Variants in KSR2 observed in about 807,000 individuals in gnomAD.
KSR2 encodes the protein kinase suppressor of ras 2.
A neutral mutation model predicts 107.8 loss-of-function variants in KSR2; 25 were observed. The ratio of observed to expected loss-of-function variants is 0.23; its 90% CI spans 0.17 to 0.32. The LOEUF is 0.32. Among genes scored for constraint, KSR2 ranks in the 10% least tolerant of loss-of-function variants. The pLI is 1.00. For synonymous variants in KSR2, 480 were observed against 507.0 expected, an observed-to-expected ratio of 0.95 and a Z score of 0.71; for missense variants, 887 against 1,268.9, an observed-to-expected ratio of 0.70 and a Z score of 4.57.
chr12:117,946,389 G>A (rs1042326034), intron 1 of KSR2, among the ~76,000 whole-genome samples: 14 of 151,992 alleles, frequency 9.2e-5, no homozygotes, highest in Admixed American at 2.0e-4. Flanking sequence ...CATCAAGAAC[G>A]AAAAGAGGAG....
intron 5 of KSR2, among the ~76,000 whole-genome samples, chr12:117,610,289 G>A (rs1235401562): frequency 9.2e-5 from 14 of 152,032 alleles, no homozygotes; most frequent in Admixed American, 3.9e-4. Flanking sequence ...AAATAATCAC[G>A]GATGCTCGCA....
At chr12:117,614,322 G>A (rs1282869160) in intron 5 of KSR2, among the ~76,000 whole-genome samples, 1 of 152,096 alleles carries the variant, frequency 6.6e-6, no homozygotes, top group Non-Finnish European at 1.5e-5. Context: ...GTTTTAATTT[G>A]TTGCAATAAG....
chr12:117,678,671 G>T (rs1458760283), intron 4 of KSR2, among the ~76,000 whole-genome samples: 3 of 152,166 alleles, frequency 2.0e-5, no homozygotes, highest in Non-Finnish European at 4.4e-5. Context: ...TCTGTTTGGG[G>T]GTAATGCAGC....
At chr12:117,531,276 T>G (rs886451106) in intron 11 of KSR2, among the ~76,000 whole-genome samples, 2 of 152,178 alleles carry the variant, frequency 1.3e-5, no homozygotes, top group Non-Finnish European at 2.9e-5. Flanking sequence ...GAAGCATTCA[T>G]TGGTCATCTC....
rs188736265 is a variant in KSR2 at position 117,819,522 on chromosome 12, T to C, written c.472+35906A>G. Among the ~76,000 whole-genome samples the C allele has an allele frequency of 2.6e-3, 398 of 152,270 alleles. 4 individuals are homozygous for C. The highest frequency in any genetic ancestry group is 8.7e-3 in the African/African-American group (363 of 41,548). On this transcript the variant is annotated intron_variant, in intron 3 of 19. Coordinates refer to ENST00000339824, the MANE Select transcript of KSR2 (RefSeq NM_173598.6). ...TGATTTATGGTGATGGTTTCCTGGG[T>C]ATCTACATATGTCAAAGCTCATCAA...
At chr12:117,932,350 T>C (rs181550937) in intron 1 of KSR2, among the ~76,000 whole-genome samples, 1 of 152,182 alleles carries the variant, frequency 6.6e-6, no homozygotes, top group Admixed American at 6.6e-5. Context: ...TGTTATACAG[T>C]TGACATATGT....
intron 4 of KSR2, among the ~76,000 whole-genome samples, chr12:117,701,908 C>T (rs1217687285): frequency 1.3e-5 from 2 of 152,132 alleles, no homozygotes; most frequent in Non-Finnish European, 2.9e-5. Flanking sequence ...TTCCAGTCTC[C>T]AGAACTAAAA....
At chr12:117,612,276 C>T (rs1850402) in intron 5 of KSR2, among the ~76,000 whole-genome samples, 5,401 of 151,758 alleles carry the variant, frequency 0.036, 158 homozygotes, top group East Asian at 0.15. Flanking sequence ...TGGTGGTGCA[C>T]CCCTGTAGTC....
chr12:117,585,983 G>C (rs1879966066), intron 5 of KSR2, among the ~76,000 whole-genome samples: 1 of 152,234 alleles, frequency 6.6e-6, no homozygotes, highest in African/African-American at 2.4e-5. Flanking sequence ...GATGTCTTCT[G>C]AGAAATGCAT....
At chr12:117,938,241 T>A (rs550977464) in intron 1 of KSR2, among the ~76,000 whole-genome samples, 1 of 152,298 alleles carries the variant, frequency 6.6e-6, no homozygotes, top group South Asian at 2.1e-4. Flanking sequence ...CACATATTTG[T>A]ACATCATTAT....
chr12:117,738,523 T>C (rs1013833057), intron 4 of KSR2, among the ~76,000 whole-genome samples: 2 of 152,072 alleles, frequency 1.3e-5, no homozygotes, highest in Non-Finnish European at 2.9e-5. Context: ...ATGGGAAGTA[T>C]TGGTGGATCT....
chr12:117,573,904 A>G (rs1174017631), intron 7 of KSR2, among the ~76,000 whole-genome samples: 1 of 152,204 alleles, frequency 6.6e-6, no homozygotes, highest in African/African-American at 2.4e-5. Flanking sequence ...TGATGATGAA[A>G]AAGATTCCTA....
intron 1 of KSR2, among the ~76,000 whole-genome samples, chr12:117,908,394 C>T (rs1319232842): frequency 6.6e-6 from 1 of 152,064 alleles, no homozygotes; most frequent in Non-Finnish European, 1.5e-5. Context: ...CGCACCCCCA[C>T]CTTCACCTTT....
chr12:117,627,174 T>C (rs1321131951), intron 5 of KSR2, among the ~76,000 whole-genome samples: 3 of 152,246 alleles, frequency 2.0e-5, no homozygotes, highest in Admixed American at 6.5e-5. Flanking sequence ...TCTGTGTCTT[T>C]TAATTGGGGC....
At chr12:117,851,989 G>T (rs1892943633) in intron 3 of KSR2, among the ~76,000 whole-genome samples, 1 of 152,230 alleles carries the variant, frequency 6.6e-6, no homozygotes, top group Admixed American at 6.5e-5. Context: ...TAAGAAGGAG[G>T]AGTATTGTTT....
rs1426963547 is a variant in KSR2, at chr12:117,877,193, T to C, written c.181-16762A>G. ...CTCTACTAAAAATACAAAAATTAGC[T>C]GGGCATGGTGGTGGGCGCCTGTAAT... On this transcript the variant is annotated intron_variant, in intron 1 of 19. Transcript: ENST00000339824. Among the ~76,000 whole-genome samples the C allele has an allele frequency of 7.2e-5, 11 of 152,184 alleles. No homozygotes were observed. In the East Asian group the frequency reaches 1.9e-3, roughly 27 times the overall value.
intron 14 of KSR2, among the ~76,000 whole-genome samples, chr12:117,520,214 C>T (rs1011497668): frequency 3.3e-5 from 5 of 152,216 alleles, no homozygotes; most frequent in Admixed American, 2.0e-4. Context: ...TGGGCAAGGG[C>T]TCCCTCTGCC....
intron 16 of KSR2, among the ~76,000 whole-genome samples, chr12:117,477,640 G>A (rs866667493): frequency 6.6e-6 from 1 of 152,248 alleles, no homozygotes; most frequent in African/African-American, 2.4e-5. Flanking sequence ...ATCCAGTTAT[G>A]TGAACAAGGA....
intron 12 of KSR2, among the ~76,000 whole-genome samples, chr12:117,529,590 C>A (rs923251148): frequency 2.6e-5 from 4 of 151,988 alleles, no homozygotes; most frequent in African/African-American, 9.7e-5. Flanking sequence ...ATGCTATGCA[C>A]AAAGATGTTC....
Sources: gnomAD v4.1 joint callset for allele counts (sites outside exome capture counted in the v4.1 genomes callset) on GRCh38, gnomAD v4.1.1 for gene constraint, MANE v1.5 for transcripts, NCBI Gene and HGNC (gene_info 2026-07-23, HGNC 2026-07-21) for gene names.